The following TFDP2 variants were observed in gnomAD, a reference collection of about 807,000 sequenced individuals.
TFDP2 encodes transcription factor Dp-2 (E2F dimerization partner 2).
Under a neutral mutation model 59.3 loss-of-function variants are expected in TFDP2, and 17 were observed. The ratio of observed to expected loss-of-function variants is 0.29; its 90% CI spans 0.20 to 0.43. TFDP2 has a LOEUF of 0.43. Ranked by LOEUF, TFDP2 falls within the 20% of genes least tolerant of loss-of-function variation. The pLI, the probability that TFDP2 is intolerant of heterozygous loss-of-function variation, is 1.00. For synonymous variants in TFDP2, 180 were observed against 194.7 expected, an observed-to-expected ratio of 0.92 and a Z score of 0.63; for missense variants, 391 against 528.8, an observed-to-expected ratio of 0.74 and a Z score of 2.56.
At chr3:142,058,731 C>T (rs575232271) in intron 3 of TFDP2, among the ~76,000 whole-genome samples, 1 of 152,074 alleles carries the variant, frequency 6.6e-6, no homozygotes, top group Non-Finnish European at 1.5e-5. Context: ...GCTTCCATGC[C>T]ACCTCCAAGC....
At position 142,003,189 on chromosome 3, in the gene TFDP2, T is replaced by C. The variant is rs559434151; in HGVS notation, c.186+2252A>G. On this transcript the variant is annotated intron_variant, in intron 4 of 12. Coordinates refer to ENST00000489671, the MANE Select transcript of TFDP2 (RefSeq NM_001178139.2). ...CTAATTTTTTGTATTTTAGTAGACA[T>C]GGGGTTTCACTGTGTTAGCCAGGAT... is the stretch of plus-strand genomic sequence containing the variant. 4.6e-5 allele frequency among the ~76,000 whole-genome samples: 7 copies of C among 152,168 alleles called. No homozygotes were observed. The East Asian group carries it at 1.2e-3, about 25-fold the overall frequency.
At chr3:141,967,119 G>A (rs1370301301) in intron 9 of TFDP2, among the ~76,000 whole-genome samples, 8 of 150,908 alleles carry the variant, frequency 5.3e-5, no homozygotes, top group Admixed American at 4.6e-4. Flanking sequence ...GTTTCACCAT[G>A]TTTGTCAGGC....
intron 6 of TFDP2, among the ~76,000 whole-genome samples, chr3:141,990,294 G>A (rs1047069764): frequency 2.0e-5 from 3 of 151,536 alleles, no homozygotes; most frequent in Non-Finnish European, 4.4e-5. Context: ...GTGTTGACCA[G>A]GCTGGAGTCT....
At position 141,946,759 on chromosome 3, in the gene TFDP2, G is replaced by A. The variant is rs1009055358; in HGVS notation, c.*5754C>T. ...ATCATAAAATCTTAGGCTGGGCGTGGTGGCTCAAGCCTGTAATCCCAGCAC... is the reference window on the plus strand; with the variant it reads ...ATCATAAAATCTTAGGCTGGGCGTGATGGCTCAAGCCTGTAATCCCAGCAC... On this transcript the variant is annotated 3_prime_UTR_variant, in exon 13 of 13. Coordinates refer to ENST00000489671, the MANE Select transcript of TFDP2 (RefSeq NM_001178139.2). 2.0e-5 allele frequency: 3 copies of A among 152,166 alleles called. No homozygotes were observed. The highest frequency in any genetic ancestry group is 7.2e-5 in the African/African-American group (3 of 41,442). 9.4% of individuals were successfully genotyped at this position (152,166 alleles called of 1,614,324 possible).
intron 5 of TFDP2, among the ~76,000 whole-genome samples, chr3:141,993,907 C>T (rs1385405455): frequency 6.6e-6 from 1 of 152,208 alleles, no homozygotes; most frequent in Non-Finnish European, 1.5e-5. Flanking sequence ...CTGCCACCTC[C>T]AATATAAAGC....
chr3:142,093,845 T>G (rs1351814692), intron 2 of TFDP2: 4 of 319,964 alleles, frequency 1.3e-5, no homozygotes, highest in Admixed American at 6.7e-5. Context: ...AATTGGAGGG[T>G]GATACCAGTA....
intron 1 of TFDP2, among the ~76,000 whole-genome samples, chr3:142,147,730 TTAGAC>T (rs2063225116): frequency 1.3e-5 from 2 of 152,332 alleles, no homozygotes; most frequent in South Asian, 4.1e-4. Context: ...ATGTCTACTC[TTAGAC>T]TAGACTAGTT....
At position 141,970,131 on chromosome 3, in the gene TFDP2, T is replaced by C. The variant is rs1203610532; in HGVS notation, c.674A>G (p.Gln225Arg). The part of the protein sequence containing the change: ...QECQNLEIEK[Q>R]RRIERIKQKR... ...CTGCTTTATCCGTTCTATCCGCCTCTGCTTCTCTATCTTTAAAACATTGGT... is the reference window on the plus strand; with the variant it reads ...CTGCTTTATCCGTTCTATCCGCCTCCGCTTCTCTATCTTTAAAACATTGGT... Residue 225 changes from glutamine to arginine, a missense_variant, in exon 9 of 13, where the codon CAG becomes CGG. Gln to Arg is a conservative substitution (Grantham distance 43, BLOSUM62 1). This residue lies in a region of TFDP2 where 223 missense variants were observed against 292.5 expected (regional missense o/e 0.76). Transcript: ENST00000489671. 13 of 1,614,170 alleles carry C rather than the reference T, an allele frequency of 8.1e-6. No homozygotes were observed. The highest frequency in any genetic ancestry group is 1.1e-5 in the Non-Finnish European group (13 of 1,179,968).
rs1187155431 is a variant in TFDP2, at chr3:142,021,083, AC to A, written c.83-15540del. Among the ~76,000 whole-genome samples, 25 of 152,330 alleles carry A rather than the reference AC, an allele frequency of 1.6e-4. No individual in the cohort carries two copies. The East Asian group carries it at 4.0e-3, about 25-fold the overall frequency. Reference sequence around the variant, plus strand: ...TTATGTTTTATTTTGATGCATTTGTACTGAACCATGTTCGCCAAAAGTCACT... The same window carrying A: ...TTATGTTTTATTTTGATGCATTTGTATGAACCATGTTCGCCAAAAGTCACT... On this transcript the variant is annotated intron_variant, in intron 3 of 12. Transcript: ENST00000489671.
intron 3 of TFDP2, among the ~76,000 whole-genome samples, chr3:142,046,859 C>G (rs1405868506): frequency 6.6e-6 from 1 of 151,990 alleles, no homozygotes; most frequent in African/African-American, 2.4e-5. Flanking sequence ...TAAGTTGGGT[C>G]CCACCAGCTA....
At chr3:142,048,893 T>C (rs1947476025) in intron 3 of TFDP2, among the ~76,000 whole-genome samples, 1 of 152,174 alleles carries the variant, frequency 6.6e-6, no homozygotes, top group Non-Finnish European at 1.5e-5. Context: ...ACTGCCTCTA[T>C]CACTTGGGAA....
At chr3:142,031,967 A>C (rs1946450611) in intron 3 of TFDP2, among the ~76,000 whole-genome samples, 1 of 152,178 alleles carries the variant, frequency 6.6e-6, no homozygotes, top group Non-Finnish European at 1.5e-5. Context: ...ACTACACCTA[A>C]AGCAAAAACT....
chr3:142,018,923 T>C (rs1576728300), intron 3 of TFDP2, among the ~76,000 whole-genome samples: 1 of 130,192 alleles, frequency 7.7e-6, no homozygotes, highest in African/African-American at 3.1e-5. Context: ...TATTGGTTTT[T>C]GGTGAGTTTT....
intron 7 of TFDP2, among the ~76,000 whole-genome samples, chr3:141,977,529 T>C (rs964201875): frequency 6.6e-6 from 1 of 151,296 alleles, no homozygotes; most frequent in Non-Finnish European, 1.5e-5. Context: ...GAAGTAGAGG[T>C]TTCATTGAGC....
At chr3:142,024,360 GGATCAGTTCACAAAACAT>G (rs1294178213) in intron 3 of TFDP2, among the ~76,000 whole-genome samples, 1 of 152,094 alleles carries the variant, frequency 6.6e-6, no homozygotes, top group Non-Finnish European at 1.5e-5. Flanking sequence ...ACAGGTTCCT[GGATCAGTTCACAAAACAT>G]AGTTAATTCA....
At chr3:141,981,030 T>C (rs923607416) in intron 6 of TFDP2, among the ~76,000 whole-genome samples, 2 of 152,162 alleles carry the variant, frequency 1.3e-5, no homozygotes, top group African/African-American at 2.4e-5. Flanking sequence ...GTGCAGTAAA[T>C]TCCTAGGCCT....
chr3:142,044,241 T>TTG, intron 3 of TFDP2: 5 of 243,924 alleles, frequency 2.0e-5, no homozygotes, highest in South Asian at 1.0e-4. Context: ...TTTTTTTTTT[T>TTG]TTTTTTTTTT....
At chr3:142,101,356 CAAAA>C (rs529718660) in intron 2 of TFDP2, among the ~76,000 whole-genome samples, 1 of 85,952 alleles carries the variant, frequency 1.2e-5, no homozygotes. Flanking sequence ...CCTGAGTAAC[CAAAA>C]AAAAAAAAAA....
At chr3:141,966,916 TAAAAAAAAA>T (rs10668338) in intron 9 of TFDP2, among the ~76,000 whole-genome samples, 1 of 120,746 alleles carries the variant, frequency 8.3e-6, no homozygotes, top group African/African-American at 3.2e-5. Flanking sequence ...GATTACTTAT[TAAAAAAAAA>T]AAAAAAAAAA....
Sources: allele counts gnomAD v4.1 joint callset (sites outside exome capture counted in the v4.1 genomes callset), GRCh38; gene constraint gnomAD v4.1.1; regional missense constraint gnomAD v4.1.1; transcripts MANE v1.5; gene names NCBI Gene and HGNC (gene_info 2026-07-23, HGNC 2026-07-21).